Variants in PTPRD observed in about 807,000 individuals in gnomAD.
PTPRD encodes the protein receptor-type tyrosine-protein phosphatase delta.
PTPRD carries 34 observed loss-of-function variants against 214.5 expected under a neutral mutation model. That is an observed-to-expected ratio of 0.16 (90% confidence interval 0.12 to 0.21). The LOEUF is 0.21. Among genes scored for constraint, PTPRD ranks in the 10% least tolerant of loss-of-function variants. PTPRD has a pLI of 1.00. For synonymous variants in PTPRD, 1,128 were observed against 845.7 expected (o/e 1.33, Z -5.79); for missense variants, 2,545 against 2,398.7 (o/e 1.06, Z -1.27).
Position 10,612,967 on chromosome 9 carries a change from G to GCTCGCTGGCGCTCCCTCCTCGT in PTPRD, c.-1009_-988dup, listed in dbSNP as rs1438583307. On this transcript the variant is annotated 5_prime_UTR_variant, in exon 1 of 46. Transcript: ENST00000381196. ...CGGCCGCTCCCGCACTCGCTCGCTC[G>GCTCGCTGGCGCTCCCTCCTCGT]CTCGCTGGCGCTCCCTCCTCGTCTC... Among the ~76,000 whole-genome samples the GCTCGCTGGCGCTCCCTCCTCGT allele has an allele frequency of 6.6e-6, 1 of 151,422 alleles. No homozygotes were observed. Among genetic ancestry groups the GCTCGCTGGCGCTCCCTCCTCGT allele is most frequent in the Non-Finnish European group, 1.5e-5 (1 of 67,798 alleles).
chr9:8,589,577 C>G (rs1436349546), intron 14 of PTPRD, among the ~76,000 whole-genome samples: 3 of 152,152 alleles, frequency 2.0e-5, no homozygotes, highest in Non-Finnish European at 4.4e-5. Flanking sequence ...TCACTGTCAC[C>G]ATAAGCTATT....
chr9:8,822,228 G>C (rs1051589957), intron 11 of PTPRD, among the ~76,000 whole-genome samples: 1 of 152,150 alleles, frequency 6.6e-6, no homozygotes, highest in Non-Finnish European at 1.5e-5. Flanking sequence ...CAGTGATTTA[G>C]TATATCTGGT....
In PTPRD at chr9:8,543,516, CT is replaced by C. The variant is rs2079028890; in HGVS notation, c.353-14738del. Among the ~76,000 whole-genome samples, 3 of 152,146 alleles carry C rather than the reference CT, an allele frequency of 2.0e-5. No individual in the cohort carries two copies. In the South Asian group the frequency reaches 6.2e-4, roughly 32 times the overall value. ...GAATGTGTATTTCAGCCACTGATCCCTAATATAACCAATGCTATTTAAGTGT... is the reference window on the plus strand; with the variant it reads ...GAATGTGTATTTCAGCCACTGATCCCAATATAACCAATGCTATTTAAGTGT... On this transcript the variant is annotated intron_variant, in intron 14 of 45. Transcript: ENST00000381196.
intron 2 of PTPRD, among the ~76,000 whole-genome samples, chr9:10,367,957 G>A (rs528008827): frequency 5.9e-5 from 9 of 152,190 alleles, no homozygotes; most frequent in South Asian, 4.1e-4. Flanking sequence ...GGTGATCAAT[G>A]AGTAACAGCC....
chr9:8,601,049 C>A (rs1158197430), intron 14 of PTPRD, among the ~76,000 whole-genome samples: 1 of 152,076 alleles, frequency 6.6e-6, no homozygotes, highest in African/African-American at 2.4e-5. Context: ...CCAGTCCTGG[C>A]AGCCACAAGC....
intron 11 of PTPRD, among the ~76,000 whole-genome samples, chr9:9,009,023 A>G (rs887621360): frequency 6.6e-6 from 1 of 152,158 alleles, no homozygotes; most frequent in African/African-American, 2.4e-5. Flanking sequence ...GATGAAATCT[A>G]TTTGAAAGAC....
intron 5 of PTPRD, among the ~76,000 whole-genome samples, chr9:9,928,521 C>T (rs1162239951): frequency 6.6e-6 from 1 of 151,908 alleles, no homozygotes; most frequent in African/African-American, 2.4e-5. Context: ...ATCACTTACA[C>T]AAAGTAAAGA....
chr9:9,539,784 T>C (rs967540161), intron 8 of PTPRD, among the ~76,000 whole-genome samples: 1 of 151,878 alleles, frequency 6.6e-6, no homozygotes, highest in Non-Finnish European at 1.5e-5. Context: ...GTTCAGCATA[T>C]AGGAAAAGCA....
chr9:8,325,436 G>C (rs1470661134), intron 44 of PTPRD, among the ~76,000 whole-genome samples: 1 of 148,872 alleles, frequency 6.7e-6, no homozygotes, highest in Non-Finnish European at 1.5e-5. Flanking sequence ...CCTCTGTTCT[G>C]TTCCATTGGT....
chr9:9,849,939 C>G (rs745464590), intron 5 of PTPRD, among the ~76,000 whole-genome samples: 4 of 152,066 alleles, frequency 2.6e-5, no homozygotes, highest in Non-Finnish European at 5.9e-5. Context: ...GTTAACTCAG[C>G]TCCTAGTTCA....
At chr9:8,996,817 T>C (rs1227401332) in intron 11 of PTPRD, among the ~76,000 whole-genome samples, 1 of 151,996 alleles carries the variant, frequency 6.6e-6, no homozygotes, top group African/African-American at 2.4e-5. Flanking sequence ...ACTTAATACT[T>C]TTGGGGTTAG....
intron 6 of PTPRD, among the ~76,000 whole-genome samples, chr9:9,751,584 G>C (rs1165969898): frequency 6.6e-6 from 1 of 152,128 alleles, no homozygotes; most frequent in Non-Finnish European, 1.5e-5. Context: ...TCATGTTGAA[G>C]TGGGATGGAC....
At position 9,704,298 on chromosome 9, in the gene PTPRD, T is replaced by TA. The variant is rs375447945; in HGVS notation, c.-287+30234dup. Among the ~76,000 whole-genome samples the TA allele has an allele frequency of 3.8e-3, 568 of 148,554 alleles. 4 individuals carry two copies. The highest frequency in any genetic ancestry group is 0.012 in the African/African-American group (503 of 40,752). Reference sequence around the variant, plus strand: ...AGCATTCTACTTTATTGCAGCTCACTAAAAAAAAAATTGTAGCCCTTTACG... The same window carrying TA: ...AGCATTCTACTTTATTGCAGCTCACTAAAAAAAAAAATTGTAGCCCTTTACG... On this transcript the variant is annotated intron_variant, in intron 7 of 45. Coordinates refer to ENST00000381196, the MANE Select transcript of PTPRD (RefSeq NM_002839.4).
intron 5 of PTPRD, among the ~76,000 whole-genome samples, chr9:9,854,692 T>C (rs180717521): frequency 9.4e-4 from 143 of 152,252 alleles, no homozygotes; most frequent in African/African-American, 3.1e-3. Flanking sequence ...ATTTGAATTA[T>C]AATCCAGTTT....
At chr9:9,862,259 G>C (rs75475044) in intron 5 of PTPRD, among the ~76,000 whole-genome samples, 1 of 150,910 alleles carries the variant, frequency 6.6e-6, no homozygotes, top group Non-Finnish European at 1.5e-5. Flanking sequence ...GACACATTTA[G>C]ACAAAACAAA....
chr9:9,161,399 A>G (rs760001309), intron 10 of PTPRD, among the ~76,000 whole-genome samples: 24 of 152,246 alleles, frequency 1.6e-4, no homozygotes, highest in Middle Eastern at 3.4e-3. Context: ...TTTTTCATAT[A>G]TGGGGCACTT....
intron 3 of PTPRD, among the ~76,000 whole-genome samples, chr9:10,142,143 G>A (rs201095313): frequency 9.9e-5 from 15 of 151,630 alleles, no homozygotes; most frequent in African/African-American, 3.6e-4. Flanking sequence ...TTAAAGACTT[G>A]AATGTTAGAC....
intron 14 of PTPRD, among the ~76,000 whole-genome samples, chr9:8,593,054 A>G (rs2094230542): frequency 6.6e-6 from 1 of 152,220 alleles, no homozygotes; most frequent in South Asian, 2.1e-4. Context: ...GCAAAAGACA[A>G]GGCTGGAAAG....
At position 10,588,261 on chromosome 9, in the gene PTPRD, T is replaced by C. The variant is rs755428477; in HGVS notation, c.-600+24137A>G. Among the ~76,000 whole-genome samples the C allele has an allele frequency of 9.2e-5, 14 of 152,054 alleles. No individual in the cohort carries two copies. The South Asian group carries it at 1.0e-3, about 11-fold the overall frequency. On this transcript the variant is annotated intron_variant, in intron 2 of 45. Coordinates refer to ENST00000381196, the MANE Select transcript of PTPRD (RefSeq NM_002839.4). ...GCAGTTTTGTTGACTCCAAGGTTTG[T>C]GGTCTTTGTAAGGTAGTGCAAAGTA...
Sources: gnomAD v4.1 joint callset for allele counts (sites outside exome capture counted in the v4.1 genomes callset) on GRCh38, gnomAD v4.1.1 for gene constraint, MANE v1.5 for transcripts, NCBI Gene and HGNC (gene_info 2026-07-23, HGNC 2026-07-21) for gene names.